TM6SF1: variants seen among roughly 807,000 people sequenced by gnomAD.
TM6SF1 encodes the protein transmembrane 6 superfamily member 1.
TM6SF1 carries 43 observed loss-of-function variants against 47.1 expected under a neutral mutation model. The ratio of observed to expected loss-of-function variants is 0.91; its 90% confidence interval spans 0.72 to 1.18. TM6SF1 has a LOEUF of 1.18. Among genes scored for constraint, TM6SF1 ranks in the 50% most tolerant of loss-of-function variants. The probability of loss-of-function intolerance (pLI) is 0.00; values close to 1 mark genes in which losing one functional copy is unlikely to be tolerated. For synonymous variants in TM6SF1, 177 were observed against 166.3 expected, an observed-to-expected ratio of 1.06 and a Z score of -0.49; for missense variants, 390 against 449.0, an observed-to-expected ratio of 0.87 and a Z score of 1.19.
chr15:83,124,556 T>G (rs2151370590), intron 6 of TM6SF1, 116 bp from the exon 7 acceptor site: 1 of 748,606 alleles, frequency 1.3e-6, no homozygotes, highest in African/African-American at 1.8e-5. Flanking sequence ...TGATTTATGA[T>G]ATAAATTGTG....
At chr15:83,112,750 A>G (rs1380848409) in intron 1 of TM6SF1, 47 bp from the exon 2 acceptor site, 12 of 1,338,464 alleles carry the variant, frequency 9.0e-6, no homozygotes, top group South Asian at 1.2e-5. Context: ...CCAGGCACCA[A>G]TGTGTTTATT....
Position 83,107,810 on chromosome 15 carries a change from C to T in TM6SF1, c.92+38C>T. ...GCGCGGCGGGGGTCGCGCCGAGGGG[C>T]GGCGGGAGTTGGCTCGCCGCGACGG... On this transcript the variant is annotated intron_variant, in intron 1 of 9. Coordinates refer to ENST00000322019, the MANE Select transcript of TM6SF1 (RefSeq NM_023003.5). This position sits in a 1 kb window ranked among gnomAD's most constrained non-coding sequence, Gnocchi z 5.6. 1.9e-6 allele frequency: 3 copies of T among 1,552,344 alleles called. No individual in the cohort carries two copies. The highest frequency in any genetic ancestry group is 2.6e-5 in the East Asian group (1 of 38,666).
chr15:83,117,403 A>AG (rs1220762547), intron 3 of TM6SF1, among the ~76,000 whole-genome samples: 1 of 152,056 alleles, frequency 6.6e-6, no homozygotes, highest in Non-Finnish European at 1.5e-5. Flanking sequence ...AATGTCTGAG[A>AG]GGAGAAGGGC....
chr15:83,107,722 C>T lies in TM6SF1; in HGVS notation c.42C>T (p.Leu14=), dbSNP rs746273590. ...CCACCGGGGTCTTCGTGCTGTCCCT[C>T]TCGGCCATCCCGGTCACCTATGTCT... ...SAATGVFVLS[L]SAIPVTYVFN... is the part of the protein sequence containing the mutation. Residue 14 remains leucine (L), a synonymous_variant, in exon 1 of 10, where the codon CTC becomes CTT. Coordinates refer to ENST00000322019, the MANE Select transcript of TM6SF1 (RefSeq NM_023003.5). This position sits in a 1 kb window ranked among gnomAD's most constrained non-coding sequence, Gnocchi z 5.6. The T allele has an allele frequency of 6.3e-7, 1 of 1,583,696 alleles. No homozygotes were observed. Among genetic ancestry groups the T allele is most frequent in the Admixed American group, 1.8e-5 (1 of 56,718 alleles).
At chr15:83,109,233 A>G (rs901235175) in intron 1 of TM6SF1, among the ~76,000 whole-genome samples, 2 of 152,164 alleles carry the variant, frequency 1.3e-5, no homozygotes, top group African/African-American at 4.8e-5. Context: ...CTATGGGAAG[A>G]TCTGGGAATG....
chr15:83,128,488 T>C (rs1398054769), intron 9 of TM6SF1: 1 of 152,238 alleles, frequency 6.6e-6, no homozygotes, highest in Non-Finnish European at 1.5e-5. Context: ...TGCAGACCTC[T>C]AAATACCTGA....
intron 2 of TM6SF1, chr15:83,113,167 T>C: frequency 1.9e-6 from 1 of 513,396 alleles, no homozygotes; most frequent in Non-Finnish European, 3.5e-6. Flanking sequence ...TGCTTTGACC[T>C]CTGACCTCTG....
intron 9 of TM6SF1, chr15:83,133,529 A>G (rs928591310): frequency 6.6e-6 from 1 of 152,256 alleles, no homozygotes; most frequent in Middle Eastern, 3.2e-3. Context: ...GGTGAAAATG[A>G]TTTAGAATGA....
Position 83,125,159 on chromosome 15 carries a change from G to GA in TM6SF1, c.708+384dup, listed in dbSNP as rs1481735594. ...GCACAGAGCATCCCTGTGTTCTCAG[G>GA]AGTAGGGGCAATGGGGTTGAGGAAG... On this transcript the variant is annotated intron_variant, in intron 7 of 9. Coordinates refer to ENST00000322019, the MANE Select transcript of TM6SF1 (RefSeq NM_023003.5). Among the ~76,000 whole-genome samples, 7 of 152,188 alleles carry GA rather than the reference G, an allele frequency of 4.6e-5. No homozygotes were observed. The East Asian group carries it at 1.3e-3, about 29-fold the overall frequency.
chr15:83,122,872 C>A lies in TM6SF1; in HGVS notation c.597C>A (p.Pro199=), dbSNP rs772418294. The change falls in exon 6 of 10, where the codon CCC becomes CCA. Residue 199 remains proline (P), a synonymous_variant. Coordinates refer to ENST00000322019, the MANE Select transcript of TM6SF1 (RefSeq NM_023003.5). Reference sequence around the variant, plus strand: ...AGCCATCAGAAAATTATAATTACCCCTCAAAGGTGATTTTATTAAGCTTTG... The same window carrying A: ...AGCCATCAGAAAATTATAATTACCCATCAAAGGTGATTTTATTAAGCTTTG... The part of the protein sequence containing the change: ...YNQPSENYNY[P]SKVIQEAQAK... The A allele has an allele frequency of 3.9e-5, 63 of 1,613,760 alleles. No homozygotes were observed. Among genetic ancestry groups the A allele is most frequent in the Non-Finnish European group, 4.9e-5 (58 of 1,179,960 alleles).
At chr15:83,113,918 TG>T (rs532195550) in intron 2 of TM6SF1, 31 of 152,376 alleles carry the variant, frequency 2.0e-4, no homozygotes, top group African/African-American at 7.5e-4. Flanking sequence ...CTGCCTACAG[TG>T]GGCCTTGGGA....
chr15:83,131,829 A>G (rs1345554506), intron 9 of TM6SF1: 1 of 152,222 alleles, frequency 6.6e-6, no homozygotes, highest in Non-Finnish European at 1.5e-5. Flanking sequence ...ATCTTTTCAT[A>G]TAAAATGCTA....
At chr15:83,125,276 G>A (rs572104940) in intron 7 of TM6SF1, among the ~76,000 whole-genome samples, 3 of 152,298 alleles carry the variant, frequency 2.0e-5, no homozygotes, top group African/African-American at 7.2e-5. Context: ...CACGCCTGGA[G>A]TCTTTGTATT....
chr15:83,121,127 G>C (rs1596494143), intron 4 of TM6SF1, among the ~76,000 whole-genome samples: 1 of 151,610 alleles, frequency 6.6e-6, no homozygotes, highest in African/African-American at 2.4e-5. Flanking sequence ...CTGGAGTGCA[G>C]TGGTGCGATC....
chr15:83,115,449 C>G (rs190408669), intron 2 of TM6SF1: 1 of 364,986 alleles, frequency 2.7e-6, no homozygotes, highest in African/African-American at 2.1e-5. Context: ...GTGGTCACTT[C>G]TATGCTTCCT....
chr15:83,124,803 A>C (rs1245497409), intron 7 of TM6SF1, 27 bp downstream of exon 7: 3 of 1,533,638 alleles, frequency 2.0e-6, no homozygotes, highest in Non-Finnish European at 2.7e-6. Flanking sequence ...ATAATAACGT[A>C]ACATTGTGAT....
intron 7 of TM6SF1, among the ~76,000 whole-genome samples, 166 bp from the exon 8 acceptor site, chr15:83,126,589 A>C (rs995094835): frequency 6.6e-6 from 1 of 152,204 alleles, no homozygotes; most frequent in Non-Finnish European, 1.5e-5. Flanking sequence ...TAGTCTCCTT[A>C]GAACAAATCT....
intron 3 of TM6SF1, among the ~76,000 whole-genome samples, chr15:83,118,230 T>TACACAC (rs72160704): frequency 4.6e-4 from 68 of 146,348 alleles, no homozygotes; most frequent in Non-Finnish European, 7.9e-4. Flanking sequence ...TCTCTGTACG[T>TACACAC]ACACACACAC....
At chr15:83,125,124 C>T (rs1341415078) in intron 7 of TM6SF1, among the ~76,000 whole-genome samples, 2 of 152,160 alleles carry the variant, frequency 1.3e-5, no homozygotes, top group African/African-American at 2.4e-5. Flanking sequence ...AGGACTGCAA[C>T]ACAACTGTGG....
Sources: gnomAD v4.1 joint callset for allele counts (sites outside exome capture counted in the v4.1 genomes callset) on GRCh38, gnomAD v4.1.1 for gene constraint, Gnocchi (gnomAD v3.1) non-coding constraint, MANE v1.5 for transcripts, NCBI Gene and HGNC (gene_info 2026-07-23, HGNC 2026-07-21) for gene names.